The following RSPH14 variants were observed in gnomAD, a reference collection of about 807,000 sequenced individuals.
RSPH14 encodes rhabdoid tumor deletion region gene 1.
A neutral mutation model predicts 26.7 loss-of-function variants in RSPH14; 20 were observed. The observed-to-expected ratio is 0.75, with a 90% CI of 0.53 to 1.09. The LOEUF is 1.09. RSPH14 is among the 50% of genes least tolerant of loss of function. The pLI is 0.00. For missense variants in RSPH14, 449 were observed against 457.2 expected (o/e 0.98, Z 0.16); for synonymous variants, 177 against 189.3 (o/e 0.93, Z 0.53).
chr22:23,059,725 G>A lies in RSPH14; in HGVS notation c.791-7C>T, dbSNP rs760794312. ...TCCAGGGCCGCATACTTCCCTGCAG[G>A]CCACCAACACAAGGCGTTCCAAACA... On this transcript the variant is annotated splice_polypyrimidine_tract_variant and splice_region_variant and intron_variant, in intron 6 of 6. Coordinates refer to ENST00000216036, the MANE Select transcript of RSPH14 (RefSeq NM_014433.3). The A allele has an allele frequency of 4.5e-5, 68 of 1,514,462 alleles. No individual in the cohort carries two copies. In the Admixed American group the frequency reaches 4.5e-4, roughly 10 times the overall value. 93.8% of individuals were successfully genotyped at this position (1,514,462 alleles called of 1,614,324 possible).
At chr22:23,164,583 C>T in the RSPH14 span, among the ~76,000 whole-genome samples, 5 of 152,174 alleles carry the variant, frequency 3.3e-5, no homozygotes, top group African/African-American at 1.2e-4. Flanking sequence ...TTCCCAGCAT[C>T]GGGCAGTAAG....
In RSPH14 at chr22:23,089,262, T is replaced by G. The variant is rs567163577; in HGVS notation, c.422-25129A>C. On this transcript the variant is annotated intron_variant, in intron 4 of 6. Coordinates refer to ENST00000216036, the MANE Select transcript of RSPH14 (RefSeq NM_014433.3). ...CTTCGGTGACCTTGGCTGTGGGCTG[T>G]CTTCTTCTGCCTCAGCCGGGGGCAC... 3.3e-5 allele frequency among the ~76,000 whole-genome samples: 5 copies of G among 152,314 alleles called. No individual in the cohort carries two copies. The South Asian group carries it at 1.0e-3, about 32-fold the overall frequency.
intron 4 of RSPH14, among the ~76,000 whole-genome samples, chr22:23,110,537 G>A (rs1332113362): frequency 6.6e-6 from 1 of 152,220 alleles, no homozygotes. Context: ...CAGAGGGAGA[G>A]CAGGGTACCC....
intron 4 of RSPH14, chr22:23,131,536 G>A: frequency 9.5e-7 from 1 of 1,056,372 alleles, no homozygotes; most frequent in Middle Eastern, 2.5e-4. Context: ...GGTATCCAAT[G>A]TTCCTTATCA....
chr22:23,155,943 C>T, the RSPH14 span: 1 of 1,596,288 alleles, frequency 6.3e-7, no homozygotes, highest in Non-Finnish European at 8.5e-7. Flanking sequence ...ACACCATTTC[C>T]CTTTCTTTCT....
At chr22:23,175,058 G>A in the RSPH14 span, among the ~76,000 whole-genome samples, 5 of 150,086 alleles carry the variant, frequency 3.3e-5, no homozygotes, top group Non-Finnish European at 7.4e-5. Context: ...GTGCAGTGAC[G>A]CAATCTTGGC....
chr22:23,109,197 G>A (rs1016025690), intron 4 of RSPH14, among the ~76,000 whole-genome samples: 3 of 152,146 alleles, frequency 2.0e-5, no homozygotes, highest in African/African-American at 7.2e-5. Context: ...ACCAGGACCC[G>A]AGCCTCTGGG....
At chr22:23,129,483 G>A (rs1009305749) in intron 4 of RSPH14, among the ~76,000 whole-genome samples, 1 of 151,058 alleles carries the variant, frequency 6.6e-6, no homozygotes, top group Non-Finnish European at 1.5e-5. Flanking sequence ...AGGAGATGGG[G>A]AAAAGCAAAC....
At chr22:23,130,099 GAAAGAA>G (rs1569192597) in intron 4 of RSPH14, among the ~76,000 whole-genome samples, 6 of 64,656 alleles carry the variant, frequency 9.3e-5, no homozygotes, top group African/African-American at 2.7e-4. Flanking sequence ...AAGAAAGAAA[GAAAGAA>G]AGAAAGAAAG....
At chr22:23,165,922 G>A in the RSPH14 span, among the ~76,000 whole-genome samples, 12 of 152,098 alleles carry the variant, frequency 7.9e-5, no homozygotes, top group African/African-American at 2.2e-4. Context: ...CAAGGCGGGC[G>A]GATCACGAGG....
At chr22:23,176,639 T>C in the RSPH14 span, among the ~76,000 whole-genome samples, 1 of 152,168 alleles carries the variant, frequency 6.6e-6, no homozygotes, top group Non-Finnish European at 1.5e-5. Context: ...CCACTCCATC[T>C]ACAAGTCCCA....
intron 4 of RSPH14, among the ~76,000 whole-genome samples, chr22:23,099,120 C>A (rs2069215880): frequency 6.6e-6 from 1 of 152,236 alleles, no homozygotes; most frequent in Admixed American, 6.5e-5. Context: ...GCCTCCCCAC[C>A]CCCACGCCTG....
rs753918821 is a variant in RSPH14, at chr22:23,061,821, C to G, written c.778G>C (p.Val260Leu). 5.5e-5 allele frequency: 88 copies of G among 1,613,952 alleles called. 1 individual carries two copies. The South Asian group carries it at 7.2e-4, about 13-fold the overall frequency. Residue 260 changes from valine (V) to leucine (L), a missense_variant, in exon 6 of 7, where the codon GTG (valine) becomes CTG (leucine). By Grantham distance (32) the Val-to-Leu change is conservative. Transcript: ENST00000216036. Reference protein sequence around the residue: ...NAAGALMFATVITEGKYAALE... With the variant: ...NAAGALMFATLITEGKYAALE... ...CCCACCGCCTCACCTTCAGTGATCA[C>G]TGTGGCGAACATCAGGGCACCGGCA...
chr22:23,144,511 C>T (rs1322569092), upstream of RSPH14, among the ~76,000 whole-genome samples: 1 of 152,084 alleles, frequency 6.6e-6, no homozygotes, highest in East Asian at 1.9e-4. Context: ...AACAACTCAC[C>T]TAAGTTCACC....
At chr22:23,084,413 A>T (rs1263205841) in intron 4 of RSPH14, among the ~76,000 whole-genome samples, 1 of 152,192 alleles carries the variant, frequency 6.6e-6, no homozygotes, top group African/African-American at 2.4e-5. Context: ...AGGCTAGGCT[A>T]AGCTGTGAGG....
At chr22:23,160,061 GCCCCCAAGGCTCTGGGGACT>G in the RSPH14 span, among the ~76,000 whole-genome samples, 17 of 152,188 alleles carry the variant, frequency 1.1e-4, no homozygotes, top group African/African-American at 3.6e-4. Context: ...CACATAATAG[GCCCCCAAGGCTCTGGGGACT>G]CAGGAATTGG....
At chr22:23,169,630 C>T in the RSPH14 span, among the ~76,000 whole-genome samples, 1 of 152,050 alleles carries the variant, frequency 6.6e-6, no homozygotes, top group East Asian at 1.9e-4. Context: ...TCTCTGAGCC[C>T]GTTTCCCTGC....
the RSPH14 span, among the ~76,000 whole-genome samples, chr22:23,166,425 C>A: frequency 5.9e-5 from 9 of 152,092 alleles, no homozygotes; most frequent in Admixed American, 1.3e-4. Flanking sequence ...GTCCCAATGT[C>A]TGCTCCTTTT....
intron 4 of RSPH14, chr22:23,131,700 T>C: frequency 8.2e-7 from 1 of 1,219,576 alleles, no homozygotes; most frequent in South Asian, 1.3e-5. Context: ...CACAGGGCAT[T>C]AATTTAGCTC....
Sources: gnomAD v4.1 joint callset for allele counts (sites outside exome capture counted in the v4.1 genomes callset) on GRCh38, gnomAD v4.1.1 for gene constraint, MANE v1.5 for transcripts, NCBI Gene and HGNC (gene_info 2026-07-23, HGNC 2026-07-21) for gene names.